NBAS: variants seen among roughly 807,000 people sequenced by gnomAD.
The protein encoded by NBAS is NBAS subunit of NRZ tethering complex, also known as NAG/BC035112 fusion.
A neutral mutation model predicts 302.5 loss-of-function variants in NBAS; 219 were observed. The ratio of observed to expected loss-of-function variants is 0.72; its 90% CI spans 0.65 to 0.81. The LOEUF (loss-of-function observed/expected upper bound fraction) is 0.81. Ranked by LOEUF, NBAS falls within the 30% of genes least tolerant of loss-of-function variation. The pLI is 0.00. For synonymous variants in NBAS, 1,118 were observed against 1,021.6 expected (o/e 1.09, Z -1.80); for missense variants, 2,932 against 2,841.6 (o/e 1.03, Z -0.72).
intron 5 of NBAS, among the ~76,000 whole-genome samples, chr2:15,552,415 C>T (rs980895635): frequency 6.6e-6 from 1 of 152,162 alleles, no homozygotes; most frequent in Non-Finnish European, 1.5e-5. Context: ...GGCAAGACCA[C>T]CTTCTCTTCC....
At chr2:15,327,900 G>C (rs1672148434) in intron 37 of NBAS, 30 bp from the exon 38 acceptor site, 1 of 1,612,844 alleles carries the variant, frequency 6.2e-7, no homozygotes, top group Non-Finnish European at 8.5e-7. Context: ...TCACTATCTA[G>C]TAGGGTGCCT....
At chr2:15,362,730 T>C (rs1467838750) in intron 32 of NBAS, among the ~76,000 whole-genome samples, 5 of 152,164 alleles carry the variant, frequency 3.3e-5, no homozygotes, top group African/African-American at 1.2e-4. Flanking sequence ...AAATGAAAGG[T>C]CCAGATTATA....
At chr2:15,230,840 T>G (rs1667353870) in intron 47 of NBAS, among the ~76,000 whole-genome samples, 1 of 152,080 alleles carries the variant, frequency 6.6e-6, no homozygotes, top group African/African-American at 2.4e-5. Context: ...GGAGGGTAAG[T>G]GTTTCCCACG....
chr2:15,277,090 A>C lies in NBAS; in HGVS notation c.5150T>G (p.Leu1717Arg), dbSNP rs746764783. Residue 1717 changes from leucine to arginine, a missense_variant, in exon 43 of 52, where the codon CTA (leucine) becomes CGA (arginine). Coordinates refer to ENST00000281513, the MANE Select transcript of NBAS (RefSeq NM_015909.4). ...FLFTDSGLSTLEIENRAQDLH... is the reference protein window; with the variant it reads ...FLFTDSGLSTREIENRAQDLH... ...GTCTTGGGCTCTATTTTCAATTTCT[A>C]GTGTGGACAAACTGAAATTAAGAGC... 1 of 1,613,770 alleles carries C rather than the reference A, an allele frequency of 6.2e-7. No homozygotes were observed. Among genetic ancestry groups the C allele is most frequent in the Non-Finnish European group, 8.5e-7 (1 of 1,179,846 alleles).
At chr2:15,066,198 T>A in the NBAS span, among the ~76,000 whole-genome samples, 2 of 152,134 alleles carry the variant, frequency 1.3e-5, no homozygotes, top group Admixed American at 6.5e-5. Context: ...AAAATGAAAT[T>A]GTTCCTTATC....
At chr2:15,380,903 T>C (rs1675002765) in intron 29 of NBAS, among the ~76,000 whole-genome samples, 1 of 146,442 alleles carries the variant, frequency 6.8e-6, no homozygotes. Context: ...GTGTCTAGGC[T>C]TCCTGCAGAA....
At chr2:14,815,021 C>T in the NBAS span, among the ~76,000 whole-genome samples, 23 of 152,190 alleles carry the variant, frequency 1.5e-4, no homozygotes, top group Non-Finnish European at 3.4e-4. Context: ...CATGTGAAGA[C>T]ATGCTTGCTT....
At chr2:14,864,746 A>C in the NBAS span, among the ~76,000 whole-genome samples, 4 of 152,086 alleles carry the variant, frequency 2.6e-5, no homozygotes, top group African/African-American at 9.7e-5. Flanking sequence ...TTGATTTAAC[A>C]CCTCCCTGAC....
At chr2:15,097,382 T>C in the NBAS span, among the ~76,000 whole-genome samples, 40 of 152,166 alleles carry the variant, frequency 2.6e-4, no homozygotes, top group Middle Eastern at 3.4e-3. Context: ...AAGTATAAAG[T>C]CATGAGGAGT....
the NBAS span, among the ~76,000 whole-genome samples, chr2:14,897,968 G>A: frequency 2.6e-5 from 4 of 152,186 alleles, no homozygotes; most frequent in Non-Finnish European, 5.9e-5. Context: ...CCAGAGTGAG[G>A]TGGGGAGCAA....
chr2:14,940,994 G>T, the NBAS span, among the ~76,000 whole-genome samples: 55,692 of 152,064 alleles, frequency 0.37, 12,316 homozygotes, highest in East Asian at 0.62. Flanking sequence ...AGCCTACTAC[G>T]TGCCAGACAT....
chr2:15,229,347 CAAAAAAAA>C (rs61152926), intron 47 of NBAS, among the ~76,000 whole-genome samples: 2 of 76,870 alleles, frequency 2.6e-5, no homozygotes, highest in African/African-American at 8.8e-5. Flanking sequence ...TCTCAAAAAA[CAAAAAAAA>C]AAAAAAAAAA....
intron 40 of NBAS, among the ~76,000 whole-genome samples, chr2:15,299,757 G>T (rs1199065301): frequency 6.6e-6 from 1 of 151,332 alleles, no homozygotes; most frequent in Non-Finnish European, 1.5e-5. Flanking sequence ...AGATATGAGG[G>T]AAAAAAAATC....
At chr2:15,121,193 C>T in the NBAS span, among the ~76,000 whole-genome samples, 1 of 152,294 alleles carries the variant, frequency 6.6e-6, no homozygotes, top group East Asian at 1.9e-4. Context: ...GAATTACATT[C>T]TAAGACGGTG....
the NBAS span, among the ~76,000 whole-genome samples, chr2:15,059,340 T>C: frequency 6.6e-6 from 1 of 152,198 alleles, no homozygotes; most frequent in Non-Finnish European, 1.5e-5. Flanking sequence ...ATGAAGCAGC[T>C]CATTATTTGT....
At chr2:15,418,733 G>A (rs1484571973) in intron 23 of NBAS, among the ~76,000 whole-genome samples, 2 of 152,200 alleles carry the variant, frequency 1.3e-5, no homozygotes, top group Non-Finnish European at 2.9e-5. Context: ...AGCATGGAAT[G>A]CAGAGATGCA....
At chr2:14,888,561 T>G in the NBAS span, among the ~76,000 whole-genome samples, 1 of 152,104 alleles carries the variant, frequency 6.6e-6, no homozygotes, top group Non-Finnish European at 1.5e-5. Context: ...TTTTTTGGGT[T>G]TAAGTTGAAG....
At chr2:15,212,321 C>T (rs1666450051) in intron 48 of NBAS, among the ~76,000 whole-genome samples, 1 of 152,200 alleles carries the variant, frequency 6.6e-6, no homozygotes, top group Admixed American at 6.5e-5. Context: ...TCGGGCCACA[C>T]CCTTCCGTGT....
intron 3 of NBAS, among the ~76,000 whole-genome samples, chr2:15,556,533 A>C (rs1328183566): frequency 6.6e-6 from 1 of 152,208 alleles, no homozygotes; most frequent in African/African-American, 2.4e-5. Flanking sequence ...GCCTGAGAAT[A>C]GTCATCAGAG....
Sources: allele counts gnomAD v4.1 joint callset (sites outside exome capture counted in the v4.1 genomes callset), GRCh38; gene constraint gnomAD v4.1.1; transcripts MANE v1.5; gene names NCBI Gene and HGNC (gene_info 2026-07-23, HGNC 2026-07-21).